ZNF385D: variants seen among roughly 807,000 people sequenced by gnomAD.
ZNF385D encodes the protein zinc finger protein 385D, also known as zinc finger protein 659.
ZNF385D carries 15 observed loss-of-function variants against 35.8 expected under a neutral mutation model. The observed-to-expected ratio is 0.42, with a 90% confidence interval of 0.28 to 0.64. The LOEUF is 0.64. ZNF385D is among the 30% of genes least tolerant of loss of function. The pLI, the probability that ZNF385D is intolerant of heterozygous loss-of-function variation, is 0.23. For missense variants in ZNF385D, 474 were observed against 494.6 expected, an observed-to-expected ratio of 0.96 and a Z score of 0.39; for synonymous variants, 212 against 186.8, an observed-to-expected ratio of 1.13 and a Z score of -1.10.
intron 4 of ZNF385D, among the ~76,000 whole-genome samples, chr3:21,496,057 A>C (rs1333589351): frequency 6.6e-6 from 1 of 151,790 alleles, no homozygotes; most frequent in Non-Finnish European, 1.5e-5. Flanking sequence ...CAGTGATAAA[A>C]AGCCTGGTAA....
At chr3:22,343,201 A>G (rs1041833501) in intron 2 of ZNF385D, among the ~76,000 whole-genome samples, 2 of 152,248 alleles carry the variant, frequency 1.3e-5, no homozygotes, top group African/African-American at 4.8e-5. Flanking sequence ...GACAGCATTG[A>G]CATAAAAGAG....
intron 3 of ZNF385D, among the ~76,000 whole-genome samples, chr3:21,813,784 T>TA (rs1241905118): frequency 6.6e-6 from 1 of 152,162 alleles, no homozygotes; most frequent in African/African-American, 2.4e-5. Context: ...GTCTGCAGGA[T>TA]ATTATCCAGG....
chr3:21,566,891 G>GTATT (rs1192796867), intron 2 of ZNF385D, among the ~76,000 whole-genome samples: 2 of 151,982 alleles, frequency 1.3e-5, no homozygotes, highest in Non-Finnish European at 1.5e-5. Flanking sequence ...TGCTTTCTAT[G>GTATT]TATTTTTCCA....
At chr3:22,322,877 T>A (rs1575117513) in intron 2 of ZNF385D, among the ~76,000 whole-genome samples, 1 of 152,230 alleles carries the variant, frequency 6.6e-6, no homozygotes, top group Non-Finnish European at 1.5e-5. Flanking sequence ...TCATTTTTAA[T>A]CAGGTTGTCA....
chr3:21,916,982 C>T (rs373435305), intron 3 of ZNF385D, among the ~76,000 whole-genome samples: 4 of 152,280 alleles, frequency 2.6e-5, no homozygotes, highest in African/African-American at 9.6e-5. Context: ...TTATCATGTT[C>T]TCTGCTGATT....
chr3:21,599,987 A>G (rs1404185455), intron 2 of ZNF385D, among the ~76,000 whole-genome samples: 1 of 152,216 alleles, frequency 6.6e-6, no homozygotes, highest in African/African-American at 2.4e-5. Context: ...AACAGACTGC[A>G]GTAAAGAAGC....
At chr3:22,094,039 T>G (rs1243071445) in intron 3 of ZNF385D, among the ~76,000 whole-genome samples, 1 of 152,068 alleles carries the variant, frequency 6.6e-6, no homozygotes, top group Non-Finnish European at 1.5e-5. Flanking sequence ...TTTTAATAAG[T>G]GGGTTGACTG....
chr3:21,817,621 T>C (rs1255996671), intron 3 of ZNF385D, among the ~76,000 whole-genome samples: 2 of 152,224 alleles, frequency 1.3e-5, no homozygotes, highest in Middle Eastern at 3.4e-3. Context: ...AAAGCCACAA[T>C]GAGATACCAT....
At chr3:21,929,342 A>C (rs564976720) in intron 3 of ZNF385D, among the ~76,000 whole-genome samples, 2 of 152,250 alleles carry the variant, frequency 1.3e-5, no homozygotes, top group East Asian at 3.9e-4. Flanking sequence ...ATCTATAAAA[A>C]ACCTATTGCC....
chr3:22,025,827 C>A (rs1375204437), intron 3 of ZNF385D, among the ~76,000 whole-genome samples: 1 of 152,118 alleles, frequency 6.6e-6, no homozygotes, highest in Non-Finnish European at 1.5e-5. Context: ...GTGAGGGCAG[C>A]ACCTGCATCT....
chr3:22,342,170 G>A lies in ZNF385D; in HGVS notation c.106+30280C>T, dbSNP rs192136326. Among the ~76,000 whole-genome samples, 655 of 151,378 alleles carry A rather than the reference G, an allele frequency of 4.3e-3. 5 individuals are homozygous for A. Among genetic ancestry groups the A allele is most frequent in the African/African-American group, 0.01 (418 of 41,188 alleles). On this transcript the variant is annotated intron_variant, in intron 2 of 5. Coordinates refer to the ZNF385D transcript ENST00000494108. ...CGGGAGCCTGTAGACCCAGCTACTCGGGAGACTGAGGCAGGAGAATGGCGT... is the reference window on the plus strand; with the variant it reads ...CGGGAGCCTGTAGACCCAGCTACTCAGGAGACTGAGGCAGGAGAATGGCGT...
At chr3:22,180,821 C>A (rs574631318) in intron 2 of ZNF385D, among the ~76,000 whole-genome samples, 2 of 151,870 alleles carry the variant, frequency 1.3e-5, no homozygotes, top group South Asian at 2.1e-4. Context: ...AAACCCACAG[C>A]CAATATCATA....
chr3:21,868,298 C>A (rs893942021), intron 3 of ZNF385D, among the ~76,000 whole-genome samples: 24 of 152,006 alleles, frequency 1.6e-4, no homozygotes, highest in African/African-American at 5.8e-4. Flanking sequence ...ACAAAAGAGG[C>A]AACAGGAAAA....
At chr3:22,081,415 A>C (rs1700744526) in intron 3 of ZNF385D, among the ~76,000 whole-genome samples, 1 of 152,214 alleles carries the variant, frequency 6.6e-6, no homozygotes, top group Non-Finnish European at 1.5e-5. Flanking sequence ...GTAAGTTTAT[A>C]GTGAAACACA....
intron 2 of ZNF385D, among the ~76,000 whole-genome samples, chr3:22,306,867 T>G (rs922740162): frequency 1.3e-5 from 2 of 152,266 alleles, no homozygotes; most frequent in South Asian, 4.1e-4. Context: ...CCAGAAGAAC[T>G]ACCCCTGTAC....
chr3:21,478,291 G>T (rs1038039204), intron 4 of ZNF385D, among the ~76,000 whole-genome samples: 2 of 152,010 alleles, frequency 1.3e-5, no homozygotes, highest in Non-Finnish European at 2.9e-5. Context: ...TGAATATTTT[G>T]CACTTTCTCT....
intron 3 of ZNF385D, among the ~76,000 whole-genome samples, chr3:21,912,913 C>G (rs1370704349): frequency 2.6e-5 from 4 of 152,034 alleles, no homozygotes; most frequent in Admixed American, 2.0e-4. Context: ...TTGGCTTCCA[C>G]ATCTAAGAAA....
chr3:21,492,486 TAA>T (rs571831685), intron 4 of ZNF385D, among the ~76,000 whole-genome samples: 2 of 139,140 alleles, frequency 1.4e-5, no homozygotes, highest in Non-Finnish European at 1.6e-5. Context: ...TTCGTATTAC[TAA>T]AAAAAAAAAA....
intron 4 of ZNF385D, among the ~76,000 whole-genome samples, chr3:21,503,516 C>T (rs902354168): frequency 2.6e-5 from 4 of 152,136 alleles, no homozygotes; most frequent in African/African-American, 9.7e-5. Flanking sequence ...TATTGTTCTA[C>T]TACATTTCTC....
Sources: allele counts gnomAD v4.1 joint callset (sites outside exome capture counted in the v4.1 genomes callset), GRCh38; gene constraint gnomAD v4.1.1; transcripts MANE v1.5; gene names NCBI Gene and HGNC (gene_info 2026-07-23, HGNC 2026-07-21).